Variants in PRKG1 observed in about 807,000 individuals in gnomAD.
PRKG1 encodes the protein protein kinase cGMP-dependent 1.
PRKG1 carries 35 observed loss-of-function variants against 88.1 expected under a neutral mutation model. That is an observed-to-expected ratio of 0.40 (90% CI 0.30 to 0.53). The LOEUF (loss-of-function observed/expected upper bound fraction) is 0.53, where lower values mean the gene tolerates loss of function less well. PRKG1 is among the 20% of genes least tolerant of loss of function. The pLI is 0.59. For synonymous variants in PRKG1, 303 were observed against 292.5 expected, an observed-to-expected ratio of 1.04 and a Z score of -0.37; for missense variants, 540 against 839.8, an observed-to-expected ratio of 0.64 and a Z score of 4.41.
At chr10:52,146,610 A>G (rs1228905018) in intron 8 of PRKG1, among the ~76,000 whole-genome samples, 1 of 152,198 alleles carries the variant, frequency 6.6e-6, no homozygotes, top group East Asian at 1.9e-4. Flanking sequence ...TTCAAAGCCT[A>G]TTATAGCACA....
intron 9 of PRKG1, among the ~76,000 whole-genome samples, chr10:52,164,594 A>G (rs1838378956): frequency 6.6e-6 from 1 of 152,092 alleles, no homozygotes; most frequent in African/African-American, 2.4e-5. Flanking sequence ...TTTTTAATAA[A>G]ACAGTAACAT....
chr10:51,370,522 G>T, intron 2 of PRKG1, among the ~76,000 whole-genome samples: 1 of 151,308 alleles, frequency 6.6e-6, no homozygotes, highest in East Asian at 1.9e-4. Flanking sequence ...ATGTGTGTGT[G>T]TGTGTGTGTG....
At position 51,480,863 on chromosome 10, in the gene PRKG1, C is replaced by T. The variant is rs74828602; in HGVS notation, c.592+13027C>T. On this transcript the variant is annotated intron_variant, in intron 3 of 17. Transcript: ENST00000373980. ...GGTTAAGGAAAGATTTCAGAAGATA[C>T]GTTAAGAAATATAAACATAAAAGCA... Among the ~76,000 whole-genome samples, 899 of 151,890 alleles carry T rather than the reference C, an allele frequency of 5.9e-3. 4 individuals are homozygous for T. Among genetic ancestry groups the T allele is most frequent in the Middle Eastern group, 0.02 (6 of 294 alleles).
chr10:51,983,307 AC>A (rs1306591322), intron 5 of PRKG1, among the ~76,000 whole-genome samples: 1 of 152,082 alleles, frequency 6.6e-6, no homozygotes, highest in Non-Finnish European at 1.5e-5. Flanking sequence ...TGCTACACAC[AC>A]TGCTGGCAAA....
chr10:52,241,348 C>T (rs538588064), intron 9 of PRKG1, among the ~76,000 whole-genome samples: 4 of 152,266 alleles, frequency 2.6e-5, no homozygotes, highest in Admixed American at 6.5e-5. Context: ...TCTCTCAAGA[C>T]ACTTGGAATA....
intron 5 of PRKG1, among the ~76,000 whole-genome samples, chr10:51,993,503 G>A (rs537072418): frequency 6.6e-6 from 1 of 152,180 alleles, no homozygotes; most frequent in South Asian, 2.1e-4. Context: ...ATTACCATCT[G>A]TGTGTTATAC....
intron 2 of PRKG1, among the ~76,000 whole-genome samples, chr10:51,239,817 G>T (rs961864343): frequency 6.6e-6 from 1 of 152,274 alleles, no homozygotes; most frequent in East Asian, 1.9e-4. Context: ...CCTCAGGCAG[G>T]TTGTTTTACA....
intron 3 of PRKG1, among the ~76,000 whole-genome samples, chr10:51,480,144 C>T (rs753799678): frequency 5.3e-5 from 8 of 152,030 alleles, no homozygotes. Flanking sequence ...TTTGGGTGAG[C>T]ATATTTGCAC....
intron 2 of PRKG1, among the ~76,000 whole-genome samples, chr10:51,411,412 T>G (rs1838084605): frequency 6.6e-6 from 1 of 152,224 alleles, no homozygotes; most frequent in Non-Finnish European, 1.5e-5. Context: ...AGAATGAAGT[T>G]ACAGGAAGTT....
At chr10:51,166,543 A>C (rs1337752029) in intron 2 of PRKG1, among the ~76,000 whole-genome samples, 2 of 152,204 alleles carry the variant, frequency 1.3e-5, no homozygotes, top group Non-Finnish European at 2.9e-5. Flanking sequence ...ATGGTTTTTC[A>C]GCATCATTTT....
chr10:51,500,604 G>C (rs550457640), intron 3 of PRKG1, among the ~76,000 whole-genome samples: 2 of 152,262 alleles, frequency 1.3e-5, no homozygotes, highest in South Asian at 2.1e-4. Context: ...GTATTATATA[G>C]AGCCTGGTTA....
intron 2 of PRKG1, among the ~76,000 whole-genome samples, chr10:51,238,852 A>G (rs1383186255): frequency 6.6e-6 from 1 of 151,984 alleles, no homozygotes; most frequent in Non-Finnish European, 1.5e-5. Flanking sequence ...TCTAGAATAT[A>G]GTCCTAAAGT....
intron 5 of PRKG1, among the ~76,000 whole-genome samples, chr10:51,939,160 A>G (rs562628566): frequency 3.5e-4 from 54 of 152,142 alleles, no homozygotes; most frequent in Middle Eastern, 3.4e-3. Context: ...GTGTTGCTCC[A>G]TTGTCACCAC....
At chr10:51,717,973 C>T (rs970458073) in intron 3 of PRKG1, among the ~76,000 whole-genome samples, 1 of 152,098 alleles carries the variant, frequency 6.6e-6, no homozygotes, top group South Asian at 2.1e-4. Context: ...CTTTCTGTCT[C>T]AGGTTTCTTA....
At chr10:51,715,064 T>C (rs989791977) in intron 3 of PRKG1, among the ~76,000 whole-genome samples, 1 of 152,164 alleles carries the variant, frequency 6.6e-6, no homozygotes, top group Non-Finnish European at 1.5e-5. Context: ...GGTATATTCA[T>C]AAAGTATTTC....
chr10:51,368,539 C>T (rs939007207), intron 2 of PRKG1, among the ~76,000 whole-genome samples: 1 of 151,988 alleles, frequency 6.6e-6, no homozygotes, highest in Non-Finnish European at 1.5e-5. Flanking sequence ...GTTTATATTC[C>T]TCCAAAATCT....
intron 5 of PRKG1, among the ~76,000 whole-genome samples, chr10:52,052,001 T>A (rs1845998891): frequency 6.6e-6 from 1 of 152,184 alleles, no homozygotes; most frequent in African/African-American, 2.4e-5. Context: ...GTCCCAAAGC[T>A]ACAACTGTAA....
chr10:52,044,055 A>T (rs1845811056), intron 5 of PRKG1, among the ~76,000 whole-genome samples: 1 of 152,094 alleles, frequency 6.6e-6, no homozygotes, highest in Non-Finnish European at 1.5e-5. Flanking sequence ...ATAAACTCTG[A>T]AGGTGTTCAA....
chr10:51,739,985 C>A (rs774510962), intron 3 of PRKG1, among the ~76,000 whole-genome samples: 1 of 152,080 alleles, frequency 6.6e-6, no homozygotes, highest in Non-Finnish European at 1.5e-5. Context: ...TATTTTTGGT[C>A]TCCAGAGCAC....
Sources: allele counts gnomAD v4.1 joint callset (sites outside exome capture counted in the v4.1 genomes callset), GRCh38; gene constraint gnomAD v4.1.1; transcripts MANE v1.5; gene names NCBI Gene and HGNC (gene_info 2026-07-23, HGNC 2026-07-21).